IGSF9B: variants seen among roughly 807,000 people sequenced by gnomAD.
IGSF9B encodes immunoglobulin superfamily member 9B.
In IGSF9B, 48 loss-of-function variants were observed where a neutral mutation model predicts 143.7. That is an observed-to-expected ratio of 0.33 (90% CI 0.26 to 0.42). IGSF9B has a LOEUF of 0.42. Ranked by LOEUF, IGSF9B falls within the 20% of genes least tolerant of loss-of-function variation. IGSF9B has a pLI of 1.00. For synonymous variants in IGSF9B, 903 were observed against 833.1 expected (o/e 1.08, Z -1.44); for missense variants, 1,706 against 1,980.0 (o/e 0.86, Z 2.63).
At chr11:133,912,271 CAG>C (rs2121271349) in intron 18 of IGSF9B, 1 of 626,374 alleles carries the variant, frequency 1.6e-6, no homozygotes, top group African/African-American at 1.8e-5. Flanking sequence ...CAAAGGCAGA[CAG>C]AGAGATTTTA....
At chr11:133,926,091 G>A in intron 13 of IGSF9B, 126 bp from the exon 14 acceptor site, 2 of 673,526 alleles carry the variant, frequency 3.0e-6, no homozygotes. Flanking sequence ...GGGGCCCAGG[G>A]CTTCAGGGTT....
chr11:133,923,359 A>G (rs1939575239), intron 15 of IGSF9B, among the ~76,000 whole-genome samples: 1 of 152,206 alleles, frequency 6.6e-6, no homozygotes, highest in Non-Finnish European at 1.5e-5. Flanking sequence ...CGTCCTGAAG[A>G]TTCGCATCCT....
In IGSF9B at chr11:133,946,391, G is replaced by A. The variant is rs561951598; in HGVS notation, c.65-133C>T. On this transcript the variant is annotated intron_variant, in intron 1 of 19. Transcript: ENST00000533871. ...TCCATGGGCCACCGTACCCTCCCAG[G>A]AGGGTCCCAGGCACACCCTCCATCC... The A allele has an allele frequency of 1.6e-4, 116 of 726,720 alleles. No individual in the cohort carries two copies. The East Asian group carries it at 3.0e-3, about 19-fold the overall frequency. The allele number at this position is 726,720 out of a possible 1,614,324, so 45.0% of individuals were successfully genotyped here. A position where few individuals can be genotyped will look rare whatever the true frequency, so the allele number is the denominator to read the frequency against.
intron 3 of IGSF9B, 128 bp from the exon 4 acceptor site, chr11:133,938,089 G>A: frequency 2.7e-6 from 3 of 1,094,130 alleles, no homozygotes; most frequent in Non-Finnish European, 3.9e-6. Context: ...GAAGGAAGGT[G>A]GGGATGGGAA....
rs2060169654 is a variant in IGSF9B, at chr11:133,948,890, T to C, written c.65-2632A>G. On this transcript the variant is annotated intron_variant, in intron 1 of 19. Coordinates refer to ENST00000533871, the MANE Select transcript of IGSF9B (RefSeq NM_001277285.4). This position sits in a 1 kb window ranked among gnomAD's most constrained non-coding sequence, Gnocchi z 4.7. The stretch of plus-strand genomic sequence containing the variant: ...GAGCTGGCTTCCAGGTGGAGGGCTC[T>C]AGCGGGCAACGCCAGGAGGTGGGTT... Among the ~76,000 whole-genome samples, 1 of 152,142 alleles carries C rather than the reference T, an allele frequency of 6.6e-6. No homozygotes were observed. Among genetic ancestry groups the C allele is most frequent in the African/African-American group, 2.4e-5 (1 of 41,434 alleles).
At chr11:133,943,635 C>T (rs532489525) in intron 3 of IGSF9B, among the ~76,000 whole-genome samples, 42 of 152,280 alleles carry the variant, frequency 2.8e-4, no homozygotes, top group African/African-American at 9.6e-4. Context: ...AAAACTGTGA[C>T]GCTTCCCAGG....
chr11:133,950,334 G>A (rs1166524613), intron 1 of IGSF9B, among the ~76,000 whole-genome samples: 3 of 152,242 alleles, frequency 2.0e-5, no homozygotes, highest in South Asian at 2.1e-4. Flanking sequence ...CTCGCGTGCT[G>A]TGAATGCCTG....
intron 3 of IGSF9B, among the ~76,000 whole-genome samples, chr11:133,940,478 G>A (rs1193846756): frequency 2.9e-3 from 185 of 63,716 alleles, no homozygotes; most frequent in Middle Eastern, 0.033. Context: ...ACGCGTCATC[G>A]CATACAGAAA....
chr11:133,955,022 G>T (rs181563891), intron 1 of IGSF9B, among the ~76,000 whole-genome samples: 2 of 152,320 alleles, frequency 1.3e-5, no homozygotes, highest in African/African-American at 2.4e-5. Context: ...CCCTGACTTA[G>T]GTTCGGAGGC....
chr11:133,935,159 C>G (rs1939799829), intron 7 of IGSF9B, among the ~76,000 whole-genome samples: 1 of 152,230 alleles, frequency 6.6e-6, no homozygotes, highest in African/African-American at 2.4e-5. Context: ...AGCTGGAGCA[C>G]ATCGCCCCCG....
intron 1 of IGSF9B, among the ~76,000 whole-genome samples, chr11:133,949,368 C>T (rs1323739195): frequency 6.6e-6 from 1 of 152,176 alleles, no homozygotes; most frequent in African/African-American, 2.4e-5. Flanking sequence ...CTCACTCCAT[C>T]ACCCACAAGC....
chr11:133,934,610 G>T (rs1167822753), intron 7 of IGSF9B, among the ~76,000 whole-genome samples: 5 of 152,202 alleles, frequency 3.3e-5, no homozygotes, highest in African/African-American at 1.2e-4. Context: ...GAGTGAGACT[G>T]CGAGGTTAGG....
Position 133,929,748 on chromosome 11 carries a change from G to A in IGSF9B, c.1554C>T (p.Val518=), listed in dbSNP as rs771860646. ...CGTTGGCAGTTGTCATGGAGACCTG[G>A]ACCCGGACACTGCCCGGGGCATGGG... The part of the protein sequence containing the change: ...TSPHAPGSVR[V]QVSMTTANVS... Residue 518 remains valine, a synonymous_variant, in exon 12 of 20, where the codon GTC becomes GTT. Transcript: ENST00000533871. The A allele has an allele frequency of 6.2e-7, 1 of 1,613,882 alleles. No individual in the cohort carries two copies. The highest frequency in any genetic ancestry group is 2.2e-5 in the East Asian group (1 of 44,876).
rs1939127443 is a variant in IGSF9B, at chr11:133,901,852, C to T, written c.*7217G>A. 7.0e-6 allele frequency among the ~76,000 whole-genome samples: 1 copy of T among 143,150 alleles called. No individual in the cohort carries two copies. The highest frequency in any genetic ancestry group is 2.6e-5 in the African/African-American group (1 of 38,540). 93.9% of individuals were successfully genotyped at this position (143,150 alleles called of 152,430 possible). The stretch of plus-strand genomic sequence containing the variant: ...CACAAACACACACACACCACACACG[C>T]ACCACACACGCACCACACACGCACC... On this transcript the variant is annotated 3_prime_UTR_variant, in exon 20 of 20. Transcript: ENST00000533871.
intron 12 of IGSF9B, among the ~76,000 whole-genome samples, chr11:133,927,575 G>C (rs1279047774): frequency 1.3e-5 from 2 of 152,240 alleles, no homozygotes; most frequent in African/African-American, 2.4e-5. Context: ...AATCAGACTG[G>C]AGTCACCTGA....
At position 133,922,162 on chromosome 11, in the gene IGSF9B, A is replaced by G; in HGVS notation, c.2327+15T>C. 2 of 1,611,194 alleles carry G rather than the reference A, an allele frequency of 1.2e-6. No homozygotes were observed. The highest frequency in any genetic ancestry group is 1.7e-6 in the Non-Finnish European group (2 of 1,177,766). On this transcript the variant is annotated intron_variant, in intron 17 of 19. Transcript: ENST00000533871. ...CCATGAACAGCACAATTCTCCCAGG[A>G]TCTGAGACACTTACGGAGACTCCAG...
At chr11:133,930,019 A>G (rs1443276229) in intron 11 of IGSF9B, among the ~76,000 whole-genome samples, 1 of 152,054 alleles carries the variant, frequency 6.6e-6, no homozygotes, top group African/African-American at 2.4e-5. Context: ...CAACTAGGAG[A>G]TCACATAGCA....
chr11:133,939,851 GCA>G (rs1254459330), intron 3 of IGSF9B, among the ~76,000 whole-genome samples: 3 of 138,498 alleles, frequency 2.2e-5, no homozygotes, highest in African/African-American at 5.6e-5. Context: ...GTCATCACAC[GCA>G]CAAACACACA....
intron 13 of IGSF9B, among the ~76,000 whole-genome samples, chr11:133,926,567 G>A (rs60297943): frequency 0.066 from 9,987 of 152,326 alleles, 1,067 homozygotes; most frequent in African/African-American, 0.23. Context: ...CATGCCTACC[G>A]CCCAGTGACG....
Sources: allele counts gnomAD v4.1 joint callset (sites outside exome capture counted in the v4.1 genomes callset), GRCh38; gene constraint gnomAD v4.1.1; non-coding constraint Gnocchi (gnomAD v3.1); transcripts MANE v1.5; gene names NCBI Gene and HGNC (gene_info 2026-07-23, HGNC 2026-07-21).